Variants in SLC25A35 observed in about 807,000 individuals in gnomAD.
The protein encoded by SLC25A35 is solute carrier family 25, member 35.
In SLC25A35, 32 loss-of-function variants were observed where a neutral mutation model predicts 30.5. The ratio of observed to expected loss-of-function variants is 1.05; its 90% CI spans 0.79 to 1.41. The LOEUF (loss-of-function observed/expected upper bound fraction) is 1.41. SLC25A35 is among the 40% of genes most tolerant of loss of function. The probability of loss-of-function intolerance (pLI) is 0.00; values close to 1 mark genes in which losing one functional copy is unlikely to be tolerated. For synonymous variants in SLC25A35, 142 were observed against 158.1 expected, an observed-to-expected ratio of 0.90 and a Z score of 0.77; for missense variants, 369 against 388.0, an observed-to-expected ratio of 0.95 and a Z score of 0.41.
chr17:8,288,704 T>G, downstream of SLC25A35: 1 of 1,489,898 alleles, frequency 6.7e-7, no homozygotes, highest in South Asian at 1.1e-5. Context: ...CGGTGGCAGC[T>G]GCGAAACCCA....
chr17:8,290,862 G>C lies in SLC25A35; in HGVS notation c.709C>G (p.Pro237Ala). The change falls in exon 4 of 5, where the codon CCC (proline) becomes GCC (alanine). Residue 237 changes from proline (P) to alanine (A), a missense_variant. Coordinates refer to ENST00000577745, the MANE Select transcript of SLC25A35 (RefSeq NM_001320870.2). Reference sequence around the variant, plus strand: ...CTTACCTTGCCCTGTGCATCTGTGGGCTGGTTGTAGAGCCTTGTGCAGGCC... The same window carrying C: ...CTTACCTTGCCCTGTGCATCTGTGGCCTGGTTGTAGAGCCTTGTGCAGGCC... ...DVACTRLYNQ[P>A]TDAQGKGLMY... 6.2e-7 allele frequency: 1 copy of C among 1,614,004 alleles called. No individual in the cohort carries two copies. Among genetic ancestry groups the C allele is most frequent in the Non-Finnish European group, 8.5e-7 (1 of 1,179,922 alleles).
chr17:8,294,323 C>A (rs1990716357), intron 1 of SLC25A35, 110 bp downstream of exon 1: 1 of 1,230,028 alleles, frequency 8.1e-7, no homozygotes, highest in South Asian at 1.5e-5. Context: ...GATGCCTTTC[C>A]CTGCTTGCAG....
At chr17:8,291,025 C>A in intron 3 of SLC25A35, 49 bp from the exon 4 acceptor site, 1 of 1,609,304 alleles carries the variant, frequency 6.2e-7, no homozygotes, top group Non-Finnish European at 8.5e-7. Flanking sequence ...ACTATTACAC[C>A]CCAAGGACAG....
At chr17:8,288,696 G>C (rs1195421322), downstream of SLC25A35, 1 of 1,405,636 alleles carries the variant, frequency 7.1e-7, no homozygotes. Context: ...CCGGGTGGCG[G>C]TGGCAGCTGC....
At chr17:8,289,525 A>C (rs768021808), downstream of SLC25A35, 1 of 1,614,184 alleles carries the variant, frequency 6.2e-7, no homozygotes, top group Admixed American at 1.7e-5. Context: ...GTGACACTTC[A>C]TCAGGCCTTG....
downstream of SLC25A35, chr17:8,288,574 G>T: frequency 1.6e-6 from 1 of 626,590 alleles, no homozygotes; most frequent in East Asian, 2.8e-5. Flanking sequence ...TCCTAAGAGC[G>T]CGGCTTCCGG....
chr17:8,295,197 A>C lies in SLC25A35; in HGVS notation c.-390T>G. 11 of 1,008,060 alleles carry C rather than the reference A, an allele frequency of 1.1e-5. No individual in the cohort carries two copies. The highest frequency in any genetic ancestry group is 1.2e-5 in the Non-Finnish European group (10 of 845,084). 62.4% of individuals were successfully genotyped at this position (1,008,060 alleles called of 1,614,324 possible). A position where few individuals can be genotyped will look rare whatever the true frequency, so the allele number is the denominator to read the frequency against. On this transcript the variant is annotated 5_prime_UTR_variant, in exon 1 of 5. Transcript: ENST00000577745. ...TGGAAGCCAGGGAGGCAGGAAGAAGAAAGCCAGCAAGTGAGAGAAGAAAAG... is the reference window on the plus strand; with the variant it reads ...TGGAAGCCAGGGAGGCAGGAAGAAGCAAGCCAGCAAGTGAGAGAAGAAAAG...
chr17:8,289,109 CGG>C, downstream of SLC25A35: 1 of 1,606,530 alleles, frequency 6.2e-7, no homozygotes, highest in East Asian at 2.2e-5. Context: ...ATGGCAGGGG[CGG>C]GGTCGGACCA....
intron 1 of SLC25A35, among the ~76,000 whole-genome samples, chr17:8,293,031 G>A (rs1312488862): frequency 1.3e-5 from 2 of 152,160 alleles, no homozygotes; most frequent in African/African-American, 4.8e-5. Flanking sequence ...CAGAGGTATC[G>A]AGCTGACTTT....
chr17:8,291,373 C>T lies in SLC25A35; in HGVS notation c.554G>A (p.Cys185Tyr). ...GAGGTCCTTGGTGGATGAGAAGGTG[C>T]ACAGCTGGGTGGAGGAACCGACGAT... The part of the protein sequence containing the change: ...RVIVGSSTQL[C>Y]TFSSTKDLLS... The change falls in exon 3 of 5, where the codon TGC (cysteine) becomes TAC (tyrosine). Residue 185 changes from cysteine to tyrosine, a missense_variant. Coordinates refer to ENST00000577745, the MANE Select transcript of SLC25A35 (RefSeq NM_001320870.2). The T allele has an allele frequency of 6.2e-7, 1 of 1,614,176 alleles. No individual in the cohort carries two copies. The highest frequency in any genetic ancestry group is 1.1e-5 in the South Asian group (1 of 91,078).
intron 1 of SLC25A35, among the ~76,000 whole-genome samples, chr17:8,294,064 C>T (rs1204030954): frequency 6.7e-6 from 1 of 150,234 alleles, no homozygotes; most frequent in Non-Finnish European, 1.5e-5. Context: ...TACAGGCGCC[C>T]ACCACCGCAC....
chr17:8,290,013 G>A (rs1343624165), downstream of SLC25A35: 2 of 1,606,810 alleles, frequency 1.2e-6, no homozygotes, highest in Admixed American at 1.7e-5. Flanking sequence ...GTTGAAAAGA[G>A]GGTTTCCTCT....
At position 8,294,727 on chromosome 17, in the gene SLC25A35, C is replaced by T; in HGVS notation, c.81G>A (p.Met27Ile). ...TNPLEVVKTR[M>I]QLQGELQAPG... ...GGGCCTGCAGTTCTCCTTGCAACTG[C>T]ATCCTGGTCTTCACCACCTCCAGGG... is the stretch of plus-strand genomic sequence containing the variant. Residue 27 changes from methionine (M) to isoleucine (I), a missense_variant, in exon 1 of 5, where the codon ATG (methionine) becomes ATA (isoleucine). Physicochemically the swap from Met to Ile is conservative, Grantham distance 10. Coordinates refer to ENST00000577745, the MANE Select transcript of SLC25A35 (RefSeq NM_001320870.2). The T allele has an allele frequency of 6.2e-7, 1 of 1,614,126 alleles. No individual in the cohort carries two copies.
At chr17:8,288,958 AC>A (rs756300905), downstream of SLC25A35, 1 of 1,613,780 alleles carries the variant, frequency 6.2e-7, no homozygotes, top group South Asian at 1.1e-5. Flanking sequence ...CACTCCAGCG[AC>A]CTCCGACCGG....
chr17:8,290,211 CTCAAGGGTGGCAG>C lies in SLC25A35; in HGVS notation c.*281_*293del. On this transcript the variant is annotated 3_prime_UTR_variant, in exon 5 of 5. Transcript: ENST00000577745. ...AAACTGTGCATGGGAGCAGGAGGGACTCAAGGGTGGCAGTGGTGAGTGGGAGGAAATACACTTT... is the reference window on the plus strand; with the variant it reads ...AAACTGTGCATGGGAGCAGGAGGGACTGGTGAGTGGGAGGAAATACACTTT... 3.5e-6 allele frequency: 5 copies of C among 1,426,372 alleles called. No individual in the cohort carries two copies. Among genetic ancestry groups the C allele is most frequent in the Non-Finnish European group, 4.6e-6 (5 of 1,095,566 alleles). The allele number at this position is 1,426,372 out of a possible 1,614,324, so 88.4% of individuals were successfully genotyped here. A position where few individuals can be genotyped will look rare whatever the true frequency, so the allele number is the denominator to read the frequency against.
chr17:8,288,655 A>G, downstream of SLC25A35: 1 of 1,068,056 alleles, frequency 9.4e-7, no homozygotes, highest in Non-Finnish European at 1.4e-6. Flanking sequence ...GGCGGAGCCA[A>G]ATCTTAAAGG....
chr17:8,294,913 T>A lies in SLC25A35; in HGVS notation c.-106A>T, dbSNP rs1466993544. The A allele has an allele frequency of 4.7e-6, 7 of 1,487,384 alleles. No individual in the cohort carries two copies. The highest frequency in any genetic ancestry group is 1.4e-5 in the South Asian group (1 of 72,544). The allele number at this position is 1,487,384 out of a possible 1,614,324, so 92.1% of individuals were successfully genotyped here. A position where few individuals can be genotyped will look rare whatever the true frequency, so the allele number is the denominator to read the frequency against. On this transcript the variant is annotated 5_prime_UTR_variant, in exon 1 of 5. Transcript: ENST00000577745. Reference sequence around the variant, plus strand: ...GGAAGGCCTGTTTCAGCAGTACAGGTTGCAGAAGATAAGAATTTAGATTTG... The same window carrying A: ...GGAAGGCCTGTTTCAGCAGTACAGGATGCAGAAGATAAGAATTTAGATTTG...
At chr17:8,291,019 T>TTA (rs759923490) in intron 3 of SLC25A35, 43 bp from the exon 4 acceptor site, 30 of 1,611,382 alleles carry the variant, frequency 1.9e-5, no homozygotes, top group Admixed American at 3.3e-5. Context: ...CAGCCAACTA[T>TTA]TACACCCCAA....
Position 8,290,980 on chromosome 17 carries a change from A to AG in SLC25A35, c.595-5dup, listed in dbSNP as rs1420584347. ...TCCAGCTCTGGGGAGGAAAGATCTA[A>AG]GGGGGTAGAGAGGAAGAGCGTTGTC... On this transcript the variant is annotated splice_region_variant and splice_polypyrimidine_tract_variant and intron_variant, in intron 3 of 4. Transcript: ENST00000577745. The AG allele has an allele frequency of 1.8e-5, 29 of 1,613,846 alleles. No individual in the cohort carries two copies. The highest frequency in any genetic ancestry group is 2.3e-5 in the Non-Finnish European group (27 of 1,179,960).
Sources: gnomAD v4.1 joint callset for allele counts (sites outside exome capture counted in the v4.1 genomes callset) on GRCh38, gnomAD v4.1.1 for gene constraint, MANE v1.5 for transcripts, NCBI Gene and HGNC (gene_info 2026-07-23, HGNC 2026-07-21) for gene names.